The following DCC variants were observed in gnomAD, a reference collection of about 807,000 sequenced individuals.
The protein encoded by DCC is netrin receptor DCC.
A neutral mutation model predicts 172.5 loss-of-function variants in DCC; 58 were observed. The observed-to-expected ratio is 0.34, with a 90% CI of 0.27 to 0.42. The LOEUF (loss-of-function observed/expected upper bound fraction) is 0.42. Among genes scored for constraint, DCC ranks in the 10% least tolerant of loss-of-function variants. The pLI, the probability that DCC is intolerant of heterozygous loss-of-function variation, is 1.00. For missense variants in DCC, 1,740 were observed against 1,791.0 expected, an observed-to-expected ratio of 0.97 and a Z score of 0.51; for synonymous variants, 709 against 644.5, an observed-to-expected ratio of 1.10 and a Z score of -1.52.
intron 6 of DCC, among the ~76,000 whole-genome samples, chr18:53,065,198 A>AT (rs1215504206): frequency 1.3e-5 from 2 of 152,198 alleles, no homozygotes; most frequent in African/African-American, 4.8e-5. Flanking sequence ...CTAGGAATTG[A>AT]TTACAAGACA....
intron 2 of DCC, among the ~76,000 whole-genome samples, chr18:52,881,402 A>T (rs898292838): frequency 2.6e-5 from 4 of 151,990 alleles, no homozygotes; most frequent in African/African-American, 9.7e-5. Flanking sequence ...TGCTTATGGG[A>T]TGTTACTCAA....
At chr18:52,541,514 A>G (rs1568219833) in intron 1 of DCC, among the ~76,000 whole-genome samples, 2 of 152,154 alleles carry the variant, frequency 1.3e-5, no homozygotes, top group South Asian at 2.1e-4. Flanking sequence ...TCCTAGTATC[A>G]TTACCTTTGG....
intron 1 of DCC, among the ~76,000 whole-genome samples, chr18:52,742,338 T>C (rs148606901): frequency 1.5e-3 from 232 of 152,340 alleles, no homozygotes; most frequent in African/African-American, 5.4e-3. Context: ...GATTTTCTTC[T>C]ATAGCACTTA....
intron 1 of DCC, among the ~76,000 whole-genome samples, chr18:52,405,225 G>A (rs1986596928): frequency 6.7e-6 from 1 of 150,090 alleles, no homozygotes; most frequent in South Asian, 2.1e-4. Context: ...CTAGATCCCT[G>A]AGGAATCGCC....
chr18:53,467,564 T>A (rs2045637185), intron 24 of DCC, among the ~76,000 whole-genome samples: 1 of 152,210 alleles, frequency 6.6e-6, no homozygotes, highest in Non-Finnish European at 1.5e-5. Context: ...TTGTGTTACC[T>A]TTTATAGCAG....
chr18:53,319,161 C>T (rs565241565), intron 13 of DCC, among the ~76,000 whole-genome samples: 2 of 152,252 alleles, frequency 1.3e-5, no homozygotes, highest in South Asian at 2.1e-4. Context: ...CAAAAACATA[C>T]CGAATTGTAA....
intron 15 of DCC, among the ~76,000 whole-genome samples, chr18:53,354,857 A>C (rs1021303218): frequency 1.3e-4 from 19 of 146,798 alleles, no homozygotes; most frequent in African/African-American, 4.9e-4. Context: ...GCCCATGCCT[A>C]TGTCCTGAAT....
intron 1 of DCC, among the ~76,000 whole-genome samples, chr18:52,650,598 T>C (rs1317269368): frequency 6.6e-6 from 1 of 152,220 alleles, no homozygotes; most frequent in South Asian, 2.1e-4. Context: ...TAATAGCCAT[T>C]CTGAGTGGTA....
rs146730318 is a variant in DCC at position 52,565,703 on chromosome 18, A to G, written c.92-186351A>G. On this transcript the variant is annotated intron_variant, in intron 1 of 28. Coordinates refer to ENST00000442544, the MANE Select transcript of DCC (RefSeq NM_005215.4). ...TGATGGGGTTGTTTTTTTCTTGTAA[A>G]TTTGTTTAAGTTCTTTGTAGATTCT... Among the ~76,000 whole-genome samples, 486 of 152,100 alleles carry G rather than the reference A, an allele frequency of 3.2e-3. 7 individuals carry two copies. The highest frequency in any genetic ancestry group is 0.026 in the East Asian group (133 of 5,162).
rs187990742 is a variant in DCC, at chr18:52,594,653, C to T, written c.92-157401C>T. On this transcript the variant is annotated intron_variant, in intron 1 of 28. Coordinates refer to ENST00000442544, the MANE Select transcript of DCC (RefSeq NM_005215.4). ...TTGGCTCACAGCTCTACAGGCTGTA[C>T]AGGAAGTATGGTGCTGGCATCTGGT... Among the ~76,000 whole-genome samples, 18 of 152,264 alleles carry T rather than the reference C, an allele frequency of 1.2e-4. 1 individual carries two copies. The East Asian group carries it at 3.5e-3, about 29-fold the overall frequency.
At chr18:52,609,340 T>C (rs1171724572) in intron 1 of DCC, among the ~76,000 whole-genome samples, 1 of 151,988 alleles carries the variant, frequency 6.6e-6, no homozygotes, top group Non-Finnish European at 1.5e-5. Flanking sequence ...GTTCAGTAGT[T>C]TGGAGGTGTT....
chr18:52,680,813 C>T (rs1009398707), intron 1 of DCC, among the ~76,000 whole-genome samples: 1 of 152,094 alleles, frequency 6.6e-6, no homozygotes, highest in African/African-American at 2.4e-5. Context: ...TCTTACACTG[C>T]CCTTCCCCAT....
chr18:52,603,615 C>CAA (rs1392715994), intron 1 of DCC, among the ~76,000 whole-genome samples: 1 of 151,682 alleles, frequency 6.6e-6, no homozygotes, highest in African/African-American at 2.4e-5. Flanking sequence ...CACACACACA[C>CAA]ACACACACAC....
chr18:52,627,876 T>A (rs2034603158), intron 1 of DCC, among the ~76,000 whole-genome samples: 1 of 152,196 alleles, frequency 6.6e-6, no homozygotes, highest in South Asian at 2.1e-4. Flanking sequence ...TCATTTTGAC[T>A]GGAGAGTGTC....
At chr18:52,602,066 A>G (rs966853071) in intron 1 of DCC, among the ~76,000 whole-genome samples, 6 of 152,138 alleles carry the variant, frequency 3.9e-5, no homozygotes, top group Admixed American at 3.9e-4. Flanking sequence ...AGATGAAATA[A>G]GTGTGTACAT....
intron 22 of DCC, among the ~76,000 whole-genome samples, chr18:53,437,335 C>A (rs868073445): frequency 6.6e-6 from 1 of 152,222 alleles, no homozygotes; most frequent in Middle Eastern, 3.4e-3. Context: ...AATCCCAGCA[C>A]TTTGGGAGGC....
chr18:52,784,252 TTTC>T (rs1368967331), intron 2 of DCC, among the ~76,000 whole-genome samples: 1 of 151,290 alleles, frequency 6.6e-6, no homozygotes, highest in Non-Finnish European at 1.5e-5. Context: ...AATAACAGAA[TTTC>T]TTTTTTATAG....
intron 20 of DCC, among the ~76,000 whole-genome samples, chr18:53,413,721 G>A (rs145878206): frequency 6.6e-5 from 10 of 152,266 alleles, no homozygotes; most frequent in East Asian, 3.9e-4. Context: ...TGGTAGTCTC[G>A]TCTTTTTTGA....
chr18:52,885,290 G>A (rs1470543922), intron 2 of DCC, among the ~76,000 whole-genome samples: 1 of 152,100 alleles, frequency 6.6e-6, no homozygotes, highest in Non-Finnish European at 1.5e-5. Context: ...ATGCTGTCTA[G>A]GAACCAGGGG....
Sources: allele counts gnomAD v4.1 joint callset (sites outside exome capture counted in the v4.1 genomes callset), GRCh38; gene constraint gnomAD v4.1.1; transcripts MANE v1.5; gene names NCBI Gene and HGNC (gene_info 2026-07-23, HGNC 2026-07-21).